VPS35L: variants seen among roughly 807,000 people sequenced by gnomAD.
The protein encoded by VPS35L is VPS35 endosomal protein sorting factor like, also known as VPS35 endosomal protein-sorting factor-like.
Under a neutral mutation model 133.0 loss-of-function variants are expected in VPS35L, and 83 were observed. The ratio of observed to expected loss-of-function variants is 0.62; its 90% confidence interval spans 0.52 to 0.75. VPS35L has a LOEUF of 0.75. Ranked by LOEUF, VPS35L falls within the 30% of genes least tolerant of loss-of-function variation. The probability of loss-of-function intolerance (pLI) is 0.00; values close to 1 mark genes in which losing one functional copy is unlikely to be tolerated. For missense variants in VPS35L, 1,083 were observed against 1,206.8 expected, an observed-to-expected ratio of 0.90 and a Z score of 1.52; for synonymous variants, 423 against 449.9, an observed-to-expected ratio of 0.94 and a Z score of 0.76.
chr16:19,592,389 T>C (rs531179049), intron 8 of VPS35L, among the ~76,000 whole-genome samples: 1 of 152,006 alleles, frequency 6.6e-6, no homozygotes, highest in African/African-American at 2.4e-5. Context: ...CTGTTTTTCC[T>C]AATCTTGTGA....
Position 19,700,373 on chromosome 16 carries a change from C to A in VPS35L, c.2794-5C>A. On this transcript the variant is annotated splice_polypyrimidine_tract_variant and splice_region_variant and intron_variant, in intron 30 of 30. Coordinates refer to ENST00000417362, the MANE Select transcript of VPS35L (RefSeq NM_020314.7). Reference sequence around the variant, plus strand: ...AAGGAGATGGATCTTTCTTTTTCCTCATAGGTGAAAACGCTAGAATACATC... The same window carrying A: ...AAGGAGATGGATCTTTCTTTTTCCTAATAGGTGAAAACGCTAGAATACATC... 6.2e-7 allele frequency: 1 copy of A among 1,611,692 alleles called. No homozygotes were observed. The highest frequency in any genetic ancestry group is 8.5e-7 in the Non-Finnish European group (1 of 1,177,840).
rs181865136 is a variant in VPS35L, at chr16:19,580,964, A to G, written c.511-561A>G. Reference sequence around the variant, plus strand: ...CCGTGAAACAGTTGCGCTTTTTTCAATGGGCACCTCAGATCCAGTATATGT... The same window carrying G: ...CCGTGAAACAGTTGCGCTTTTTTCAGTGGGCACCTCAGATCCAGTATATGT... On this transcript the variant is annotated intron_variant, in intron 6 of 30. Transcript: ENST00000417362. Among the ~76,000 whole-genome samples, 358 of 152,130 alleles carry G rather than the reference A, an allele frequency of 2.4e-3. 1 individual carries two copies. Among genetic ancestry groups the G allele is most frequent in the Non-Finnish European group, 4.3e-3 (292 of 68,002 alleles).
chr16:19,612,164 C>T (rs866331987), intron 12 of VPS35L, among the ~76,000 whole-genome samples: 76 of 152,216 alleles, frequency 5.0e-4, no homozygotes, highest in African/African-American at 1.6e-3. Flanking sequence ...GTCTCAATCT[C>T]TTGACCTCAT....
At chr16:19,625,502 CATCCTGTAGTG>C (rs1396536191) in intron 14 of VPS35L, among the ~76,000 whole-genome samples, 1 of 152,188 alleles carries the variant, frequency 6.6e-6, no homozygotes, top group Non-Finnish European at 1.5e-5. Context: ...TATCTCCCAT[CATCCTGTAGTG>C]ACCCCACAGA....
chr16:19,615,772 T>C lies in VPS35L; in HGVS notation c.1024-342T>C, dbSNP rs1306042566. 9.3e-5 allele frequency among the ~76,000 whole-genome samples: 14 copies of C among 151,258 alleles called. No homozygotes were observed. In the East Asian group the frequency reaches 2.7e-3, roughly 29 times the overall value. The stretch of plus-strand genomic sequence containing the variant: ...TCATGAGGTCAGAAGATCAAGACCA[T>C]CCTGGCCAATGTGGTGAAACCCTGT... On this transcript the variant is annotated intron_variant, in intron 12 of 30. Coordinates refer to ENST00000417362, the MANE Select transcript of VPS35L (RefSeq NM_020314.7).
chr16:19,586,950 A>C (rs1971883900), intron 7 of VPS35L, among the ~76,000 whole-genome samples: 1 of 152,180 alleles, frequency 6.6e-6, no homozygotes, highest in Non-Finnish European at 1.5e-5. Flanking sequence ...GAGACTGGGT[A>C]ATTTATGAAG....
At position 19,591,780 on chromosome 16, in the gene VPS35L, CT is replaced by C; in HGVS notation, c.640-3del. 7 of 1,604,262 alleles carry C rather than the reference CT, an allele frequency of 4.4e-6. No individual in the cohort carries two copies. The highest frequency in any genetic ancestry group is 6.0e-6 in the Non-Finnish European group (7 of 1,172,176). On this transcript the variant is annotated splice_polypyrimidine_tract_variant and intron_variant, in intron 7 of 30. Coordinates refer to ENST00000417362, the MANE Select transcript of VPS35L (RefSeq NM_020314.7). ...CAGAGTGAATTTTCTCTTTTTTTCT[CT>C]TTTTTTAGTGTTCAAAGCTTCTTTC...
intron 26 of VPS35L, among the ~76,000 whole-genome samples, chr16:19,668,785 T>C (rs1974779873): frequency 6.6e-6 from 1 of 152,204 alleles, no homozygotes; most frequent in African/African-American, 2.4e-5. Flanking sequence ...CCCTTATTTC[T>C]CGTCTGTGAA....
chr16:19,690,363 C>G (rs1191296669), intron 28 of VPS35L, among the ~76,000 whole-genome samples: 1 of 152,200 alleles, frequency 6.6e-6, no homozygotes, highest in Non-Finnish European at 1.5e-5. Flanking sequence ...GGAACTCAGA[C>G]TCAGGCTGTC....
chr16:19,616,300 G>A (rs1972891231), intron 13 of VPS35L, 109 bp downstream of exon 13: 4 of 903,122 alleles, frequency 4.4e-6, no homozygotes, highest in Non-Finnish European at 5.3e-6. Flanking sequence ...CTCTTTAAAT[G>A]TGCAAGCCCT....
chr16:19,580,144 C>T (rs1468857254), intron 6 of VPS35L, among the ~76,000 whole-genome samples: 9 of 151,870 alleles, frequency 5.9e-5, no homozygotes, highest in East Asian at 2.0e-4. Context: ...AGGTTGAGAT[C>T]GCTCTGTCAC....
chr16:19,572,954 C>T (rs1971427358), intron 3 of VPS35L, among the ~76,000 whole-genome samples, 165 bp from the exon 4 acceptor site: 2 of 152,228 alleles, frequency 1.3e-5, no homozygotes, highest in Non-Finnish European at 1.5e-5. Flanking sequence ...GGATTACAGG[C>T]GTGAGGCACC....
intron 27 of VPS35L, among the ~76,000 whole-genome samples, chr16:19,674,609 G>A (rs746821297): frequency 2.0e-4 from 31 of 152,106 alleles, no homozygotes; most frequent in Non-Finnish European, 4.1e-4. Flanking sequence ...CCTCTTAACC[G>A]GTTTTTACGT....
chr16:19,628,613 A>T (rs756735111), intron 16 of VPS35L, 24 bp from the exon 17 acceptor site: 1 of 1,289,898 alleles, frequency 7.8e-7, no homozygotes, highest in Non-Finnish European at 1.1e-6. Flanking sequence ...TTTCCATAAC[A>T]TGATGGTTTG....
chr16:19,688,532 C>T (rs1406904510), intron 28 of VPS35L, among the ~76,000 whole-genome samples: 2 of 152,168 alleles, frequency 1.3e-5, no homozygotes, highest in Non-Finnish European at 2.9e-5. Context: ...TATGAGATAT[C>T]CACGCACTCA....
chr16:19,595,896 A>G (rs773144218), intron 8 of VPS35L, among the ~76,000 whole-genome samples: 6 of 152,188 alleles, frequency 3.9e-5, no homozygotes, highest in Non-Finnish European at 8.8e-5. Flanking sequence ...CTGTAATCCC[A>G]GCACTTTGGG....
intron 5 of VPS35L, among the ~76,000 whole-genome samples, chr16:19,576,771 C>T: frequency 6.6e-6 from 1 of 151,438 alleles, no homozygotes; most frequent in African/African-American, 2.4e-5. Flanking sequence ...TGCTCTGTCA[C>T]CCATGGTGCA....
Position 19,644,965 on chromosome 16 carries a change from G to A in VPS35L, c.1929+16G>A, listed in dbSNP as rs759335414. The A allele has an allele frequency of 6.5e-7, 1 of 1,541,816 alleles. No individual in the cohort carries two copies. Among genetic ancestry groups the A allele is most frequent in the African/African-American group, 1.4e-5 (1 of 73,312 alleles). On this transcript the variant is annotated intron_variant, in intron 23 of 30. Coordinates refer to ENST00000417362, the MANE Select transcript of VPS35L (RefSeq NM_020314.7). ...TATAAAAATGGTAAGTATTAGGGAA[G>A]AAGTTTCAGTGCACTTGGAAGTGTG...
intron 9 of VPS35L, among the ~76,000 whole-genome samples, chr16:19,603,018 G>A (rs763190058): frequency 7.2e-5 from 11 of 152,042 alleles, no homozygotes; most frequent in South Asian, 2.1e-4. Flanking sequence ...TCCCACCTCA[G>A]CCTCCCAAAG....
Sources: gnomAD v4.1 joint callset for allele counts (sites outside exome capture counted in the v4.1 genomes callset) on GRCh38, gnomAD v4.1.1 for gene constraint, MANE v1.5 for transcripts, NCBI Gene and HGNC (gene_info 2026-07-23, HGNC 2026-07-21) for gene names.